FREM1: variants seen among roughly 807,000 people sequenced by gnomAD.
FREM1 encodes the protein FRAS1-related extracellular matrix protein 1.
A neutral mutation model predicts 210.1 loss-of-function variants in FREM1; 220 were observed. The observed-to-expected ratio is 1.05, with a 90% confidence interval of 0.94 to 1.17. The LOEUF is 1.17. Ranked by LOEUF, FREM1 falls within the 50% of genes most tolerant of loss-of-function variation. FREM1 has a pLI of 0.00. For synonymous variants in FREM1, 1,189 were observed against 980.2 expected (o/e 1.21, Z -3.98); for missense variants, 3,454 against 2,675.5 (o/e 1.29, Z -6.42).
At chr9:14,896,263 G>A (rs1226144907) in intron 1 of FREM1, among the ~76,000 whole-genome samples, 2 of 152,132 alleles carry the variant, frequency 1.3e-5, no homozygotes, top group Non-Finnish European at 2.9e-5. Flanking sequence ...GGGGAAGCAT[G>A]GGCTGGGCCC....
rs1554660286 is a variant in FREM1, at chr9:14,784,320, T to C, written c.4442+50A>G. 2.7e-5 allele frequency: 42 copies of C among 1,555,738 alleles called. No homozygotes were observed. In the East Asian group the frequency reaches 6.1e-4, roughly 23 times the overall value. On this transcript the variant is annotated intron_variant, in intron 24 of 36. Transcript: ENST00000380880. ...AAGCACATTAACAGATCTCCTTTTC[T>C]GTAAGTATTAATCCAAAGAAGGGGT... is the stretch of plus-strand genomic sequence containing the variant.
intron 16 of FREM1, among the ~76,000 whole-genome samples, chr9:14,811,049 A>G (rs1819305875): frequency 1.3e-5 from 2 of 152,228 alleles, no homozygotes; most frequent in South Asian, 2.1e-4. Context: ...AGATCCTACA[A>G]TGCTGTGATT....
At chr9:14,880,117 G>C (rs944448182) in intron 1 of FREM1, among the ~76,000 whole-genome samples, 14 of 152,224 alleles carry the variant, frequency 9.2e-5, no homozygotes, top group African/African-American at 3.4e-4. Context: ...GGCCATGTGA[G>C]GCTTACAACA....
At chr9:14,771,633 T>C (rs534057519) in intron 25 of FREM1, among the ~76,000 whole-genome samples, 1 of 152,296 alleles carries the variant, frequency 6.6e-6, no homozygotes, top group African/African-American at 2.4e-5. Context: ...CTAGAAAACA[T>C]GTACAAGAAT....
rs184398986 is a variant in FREM1, at chr9:14,813,166, C to G, written c.2641-102G>C. ...TAGTCAGAATGACAGGCATTTTCAT[C>G]TTACAGACACATGAAACAACAGCCG... On this transcript the variant is annotated intron_variant, in intron 15 of 36. Transcript: ENST00000380880. 420 of 1,238,270 alleles carry G rather than the reference C, an allele frequency of 3.4e-4. 1 individual carries two copies. In the African/African-American group the frequency reaches 5.5e-3, roughly 16 times the overall value. 76.7% of individuals were successfully genotyped at this position (1,238,270 alleles called of 1,614,324 possible).
intron 27 of FREM1, among the ~76,000 whole-genome samples, chr9:14,769,040 G>C (rs1400049926): frequency 6.6e-6 from 1 of 152,164 alleles, no homozygotes; most frequent in Non-Finnish European, 1.5e-5. Context: ...CTGTTAGCTG[G>C]TAAGATATTC....
rs558780093 is a variant in FREM1 at position 14,737,325 on chromosome 9, A to C, written c.*71T>G. 6 of 1,158,920 alleles carry C rather than the reference A, an allele frequency of 5.2e-6. No homozygotes were observed. The African/African-American group carries it at 9.1e-5, about 18-fold the overall frequency. The allele number at this position is 1,158,920 out of a possible 1,614,324, so 71.8% of individuals were successfully genotyped here. Reference sequence around the variant, plus strand: ...AATCATAACAATTTGTTTTCTATGGAGCAATATTCACAGATCCTGTGAATA... The same window carrying C: ...AATCATAACAATTTGTTTTCTATGGCGCAATATTCACAGATCCTGTGAATA... On this transcript the variant is annotated 3_prime_UTR_variant, in exon 37 of 37. Transcript: ENST00000380880.
At position 14,737,195 on chromosome 9, in the gene FREM1, A is replaced by G. The variant is rs1840548197; in HGVS notation, c.*201T>C. Reference sequence around the variant, plus strand: ...TTTATTTTAAAAGGTATTGAGATACAAAAATTGTATCTTATCTTGTAAAAA... The same window carrying G: ...TTTATTTTAAAAGGTATTGAGATACGAAAATTGTATCTTATCTTGTAAAAA... On this transcript the variant is annotated 3_prime_UTR_variant, in exon 37 of 37. Coordinates refer to ENST00000380880, the MANE Select transcript of FREM1 (RefSeq NM_001379081.2). The G allele has an allele frequency of 4.0e-6, 2 of 504,492 alleles. No individual in the cohort carries two copies. Among genetic ancestry groups the G allele is most frequent in the Non-Finnish European group, 6.9e-6 (2 of 288,812 alleles). The allele number at this position is 504,492 out of a possible 1,614,324, so 31.3% of individuals were successfully genotyped here.
rs755011308 is a variant in FREM1 at position 14,748,598 on chromosome 9, T to C, written c.5599A>G (p.Ser1867Gly). 6.2e-7 allele frequency: 1 copy of C among 1,613,768 alleles called. No individual in the cohort carries two copies. Among genetic ancestry groups the C allele is most frequent in the Non-Finnish European group, 8.5e-7 (1 of 1,179,756 alleles). Reference protein sequence around the residue: ...PSYSSNQSKHSTWEKGIWHLL... With the variant: ...PSYSSNQSKHGTWEKGIWHLL... ...TGCCAAATGCCCTTCTCCCATGTGC[T>C]GTGCTTGCTTTGGTTGGAGGAATAT... is the stretch of plus-strand genomic sequence containing the variant. The change falls in exon 31 of 37, where the codon AGC (serine) becomes GGC (glycine). Residue 1867 changes from serine to glycine, a missense_variant. By Grantham distance (56) the Ser-to-Gly change is moderately conservative. Transcript: ENST00000380880.
chr9:14,884,706 C>T (rs1407538566), intron 1 of FREM1, among the ~76,000 whole-genome samples: 1 of 151,866 alleles, frequency 6.6e-6, no homozygotes, highest in Non-Finnish European at 1.5e-5. Context: ...ATAATCTGTG[C>T]ACAACAAGAA....
chr9:14,875,371 T>C (rs1833500942), intron 1 of FREM1, among the ~76,000 whole-genome samples: 2 of 152,234 alleles, frequency 1.3e-5, no homozygotes, highest in African/African-American at 4.8e-5. Context: ...GCTTTGTTCA[T>C]TTCCTTTTAT....
intron 34 of FREM1, 44 bp downstream of exon 34, chr9:14,746,879 C>T (rs199776467): frequency 1.9e-6 from 3 of 1,600,880 alleles, no homozygotes; most frequent in Admixed American, 1.7e-5. Context: ...TATCATAGAG[C>T]ACATTGCGAA....
intron 2 of FREM1, among the ~76,000 whole-genome samples, chr9:14,865,661 C>CTGTGTGTG (rs56960871): frequency 0.055 from 8,009 of 144,538 alleles, 377 homozygotes; most frequent in East Asian, 0.14. Flanking sequence ...AATGTTTAGG[C>CTGTGTGTG]TGTGTGTGTG....
At chr9:14,800,351 A>T (rs1853300160) in intron 20 of FREM1, among the ~76,000 whole-genome samples, 1 of 152,144 alleles carries the variant, frequency 6.6e-6, no homozygotes, top group African/African-American at 2.4e-5. Flanking sequence ...AAGGAAGGAG[A>T]ATGGGAGGAA....
intron 1 of FREM1, among the ~76,000 whole-genome samples, chr9:14,906,291 T>A (rs1461372901): frequency 1.3e-5 from 2 of 152,194 alleles, no homozygotes; most frequent in African/African-American, 2.4e-5. Context: ...TCAAAGGCCA[T>A]TATTTTTTCC....
At position 14,860,912 on chromosome 9, in the gene FREM1, CATATACACAT is replaced by C. The variant is rs1262132255; in HGVS notation, c.330-1438_330-1429del. On this transcript the variant is annotated intron_variant, in intron 3 of 36. Transcript: ENST00000380880. The stretch of plus-strand genomic sequence containing the variant: ...ATATATACATATATACACATATACA[CATATACACAT>C]ATATACACATATACACACATATACA... 3.2e-4 allele frequency among the ~76,000 whole-genome samples: 24 copies of C among 76,118 alleles called. 6 individuals are homozygous for C. The South Asian group carries it at 4.8e-3, about 15-fold the overall frequency. The allele number at this position is 76,118 out of a possible 152,430, so 49.9% of individuals were successfully genotyped here. A position where few individuals can be genotyped will look rare whatever the true frequency, so the allele number is the denominator to read the frequency against.
chr9:14,795,192 G>A (rs1405773026), intron 21 of FREM1, among the ~76,000 whole-genome samples: 6 of 152,208 alleles, frequency 3.9e-5, no homozygotes, highest in South Asian at 4.2e-4. Flanking sequence ...CACTTACCAC[G>A]TAGTAGCTAG....
At chr9:14,822,974 G>C (rs1333094279) in intron 13 of FREM1, among the ~76,000 whole-genome samples, 186 bp downstream of exon 13, 1 of 152,120 alleles carries the variant, frequency 6.6e-6, no homozygotes, top group Non-Finnish European at 1.5e-5. Context: ...TACATAGAAA[G>C]TCCCATGGGA....
At chr9:14,803,503 C>T (rs966281577) in intron 19 of FREM1, among the ~76,000 whole-genome samples, 1 of 151,910 alleles carries the variant, frequency 6.6e-6, no homozygotes, top group East Asian at 1.9e-4. Context: ...GGACCATAGG[C>T]ATGTGTCACC....
Sources: allele counts gnomAD v4.1 joint callset (sites outside exome capture counted in the v4.1 genomes callset), GRCh38; gene constraint gnomAD v4.1.1; transcripts MANE v1.5; gene names NCBI Gene and HGNC (gene_info 2026-07-23, HGNC 2026-07-21).